Variants in KANK1 observed in about 807,000 individuals in gnomAD.
The protein encoded by KANK1 is KN motif and ankyrin repeat domain-containing protein 1.
Under a neutral mutation model 106.2 loss-of-function variants are expected in KANK1, and 109 were observed. The observed-to-expected ratio is 1.03, with a 90% confidence interval of 0.88 to 1.20. The LOEUF is 1.20. KANK1 is among the 50% of genes most tolerant of loss of function. KANK1 has a pLI of 0.00. For missense variants in KANK1, 2,399 were observed against 1,710.7 expected, an observed-to-expected ratio of 1.40 and a Z score of -7.10; for synonymous variants, 873 against 652.2, an observed-to-expected ratio of 1.34 and a Z score of -5.16.
chr9:514,532 T>C (rs776384053), intron 1 of KANK1, among the ~76,000 whole-genome samples: 54 of 151,092 alleles, frequency 3.6e-4, no homozygotes, highest in Admixed American at 2.0e-4. Context: ...TTAGTCAGTT[T>C]TTGAACTTTA....
At chr9:503,552 C>T (rs1015200111), upstream of KANK1, among the ~76,000 whole-genome samples, 1 of 152,306 alleles carries the variant, frequency 6.6e-6, no homozygotes, top group Non-Finnish European at 1.5e-5. Context: ...GATGGCTCTT[C>T]ACTTGCACAC....
rs1327479413 is a variant in KANK1 at position 711,108 on chromosome 9, A to C, written c.342A>C (p.Thr114=). ...PNFLIARSQV[T]STPISKPPPP... is the part of the protein sequence containing the mutation. The stretch of plus-strand genomic sequence containing the variant: ...TCCTCATAGCCAGAAGTCAAGTTAC[A>C]TCAACTCCAATCTCAAAGCCACCTC... Residue 114 remains threonine, a synonymous_variant, in exon 3 of 12, where the codon ACA becomes ACC. Transcript: ENST00000382297. 6.2e-7 allele frequency: 1 copy of C among 1,614,176 alleles called. No individual in the cohort carries two copies. Among genetic ancestry groups the C allele is most frequent in the Admixed American group, 1.7e-5 (1 of 60,020 alleles).
chr9:572,517 A>G (rs1432106875), intron 1 of KANK1, among the ~76,000 whole-genome samples: 2 of 151,716 alleles, frequency 1.3e-5, no homozygotes, highest in African/African-American at 2.4e-5. Context: ...GCTCCACTGC[A>G]CTCCAGCATG....
intron 1 of KANK1, among the ~76,000 whole-genome samples, chr9:628,722 A>G (rs1226306302): frequency 6.6e-6 from 1 of 152,092 alleles, no homozygotes. Flanking sequence ...CCCTTTCTGC[A>G]TGGCGGGTTT....
chr9:505,624 C>T (rs550142716), intron 1 of KANK1, among the ~76,000 whole-genome samples: 12 of 152,360 alleles, frequency 7.9e-5, no homozygotes, highest in South Asian at 2.1e-4. Flanking sequence ...TCAGCACGAG[C>T]CGTGCTGCAC....
chr9:742,364 C>T lies in KANK1; in HGVS notation c.3856C>T (p.Leu1286=), dbSNP rs772081491. 1.2e-6 allele frequency: 2 copies of T among 1,614,104 alleles called. No homozygotes were observed. Among genetic ancestry groups the T allele is most frequent in the Non-Finnish European group, 1.7e-6 (2 of 1,180,010 alleles). ...EHGHVEIVKL[L]LAQPGCNGHL... Reference sequence around the variant, plus strand: ...CGGACACGTGGAGATTGTCAAGCTGCTGCTGGCCCAGCCCGGCTGCAACGG... The same window carrying T: ...CGGACACGTGGAGATTGTCAAGCTGTTGCTGGCCCAGCCCGGCTGCAACGG... The change falls in exon 10 of 12, where the codon CTG becomes TTG. Residue 1286 remains leucine (L), a synonymous_variant. Coordinates refer to ENST00000382297, the MANE Select transcript of KANK1 (RefSeq NM_015158.5).
Position 593,612 on chromosome 9 carries a change from T to C in KANK1, c.-83-83278T>C, listed in dbSNP as rs1358848865. ...TTACCCATTGATGTTTTCACAGGGCTTTAAACACGAAGACCTGATTTGTTT... is the reference window on the plus strand; with the variant it reads ...TTACCCATTGATGTTTTCACAGGGCCTTAAACACGAAGACCTGATTTGTTT... On this transcript the variant is annotated intron_variant, in intron 1 of 11. Coordinates refer to ENST00000382297, the MANE Select transcript of KANK1 (RefSeq NM_015158.5). 2.0e-5 allele frequency among the ~76,000 whole-genome samples: 3 copies of C among 151,870 alleles called. No homozygotes were observed. The East Asian group carries it at 5.8e-4, about 29-fold the overall frequency.
chr9:564,727 A>G (rs1246501675), intron 1 of KANK1, among the ~76,000 whole-genome samples: 3 of 152,224 alleles, frequency 2.0e-5, no homozygotes, highest in African/African-American at 7.2e-5. Flanking sequence ...ACACTCTTTC[A>G]GGAGATGCCC....
At position 730,198 on chromosome 9, in the gene KANK1, C is replaced by T. The variant is rs375193839; in HGVS notation, c.2846C>T (p.Thr949Met). Residue 949 changes from threonine (T) to methionine (M), a missense_variant, in exon 4 of 12, where the codon ACG becomes ATG. Transcript: ENST00000382297. ...GATGCCTTCCCCACTCAGGAAGGTA[C>T]GCTGTCTCCAGTGAACCTGACAGAC... ...SLDAFPTQEGTLSPVNLTDDQ... is the reference protein window; with the variant it reads ...SLDAFPTQEGMLSPVNLTDDQ... 1.1e-5 allele frequency: 17 copies of T among 1,614,204 alleles called. No homozygotes were observed. In the East Asian group the frequency reaches 2.0e-4, roughly 19 times the overall value.
At chr9:628,433 C>T (rs770714021) in intron 1 of KANK1, among the ~76,000 whole-genome samples, 5 of 152,180 alleles carry the variant, frequency 3.3e-5, no homozygotes, top group Non-Finnish European at 7.3e-5. Context: ...TTTATATTCA[C>T]AGATGTACGT....
chr9:637,853 A>T (rs1295325182), intron 1 of KANK1, among the ~76,000 whole-genome samples: 1 of 152,184 alleles, frequency 6.6e-6, no homozygotes, highest in Non-Finnish European at 1.5e-5. Flanking sequence ...AGCATAAGAA[A>T]AGCCAATATT....
intron 3 of KANK1, among the ~76,000 whole-genome samples, chr9:718,408 G>A (rs1170330115): frequency 6.8e-6 from 1 of 147,122 alleles, no homozygotes; most frequent in Non-Finnish European, 1.5e-5. Flanking sequence ...AACTTCCCGA[G>A]CTCTAACCAT....
intron 1 of KANK1, among the ~76,000 whole-genome samples, chr9:527,982 T>C (rs1346640930): frequency 2.0e-5 from 3 of 151,674 alleles, no homozygotes; most frequent in Non-Finnish European, 4.4e-5. Flanking sequence ...ATACAAAAAA[T>C]TAGCCAGGCG....
At chr9:507,579 A>G (rs1328570593) in intron 1 of KANK1, among the ~76,000 whole-genome samples, 3 of 122,710 alleles carry the variant, frequency 2.4e-5, no homozygotes, top group Admixed American at 8.7e-5. Context: ...TTTTTTTGAG[A>G]TGGAGTCTCG....
chr9:710,774 C>G (rs902903799), intron 2 of KANK1, 30 bp from the exon 3 acceptor site: 6 of 1,538,056 alleles, frequency 3.9e-6, no homozygotes, highest in Non-Finnish European at 5.2e-6. Flanking sequence ...TATTGCATGT[C>G]ATTATAATAT....
At chr9:667,422 T>C (rs1478737342) in intron 1 of KANK1, among the ~76,000 whole-genome samples, 3 of 152,080 alleles carry the variant, frequency 2.0e-5, no homozygotes, top group Non-Finnish European at 2.9e-5. Context: ...TTTGCTCTGA[T>C]CTTTATTATT....
At chr9:705,143 C>T (rs960853454) in intron 2 of KANK1, among the ~76,000 whole-genome samples, 11 of 151,892 alleles carry the variant, frequency 7.2e-5, no homozygotes, top group Non-Finnish European at 1.5e-4. Flanking sequence ...TAATATTTAA[C>T]GAACAACTTC....
intron 1 of KANK1, among the ~76,000 whole-genome samples, chr9:642,405 C>G (rs1350487825): frequency 6.6e-6 from 1 of 150,976 alleles, no homozygotes; most frequent in Non-Finnish European, 1.5e-5. Flanking sequence ...AGCAGCTTCT[C>G]TAAATTGACT....
At chr9:600,404 C>T (rs1349433341) in intron 1 of KANK1, among the ~76,000 whole-genome samples, 1 of 151,680 alleles carries the variant, frequency 6.6e-6, no homozygotes, top group African/African-American at 2.4e-5. Context: ...TCCATTGTAG[C>T]ATCACATTGA....
Sources: gnomAD v4.1 joint callset for allele counts (sites outside exome capture counted in the v4.1 genomes callset) on GRCh38, gnomAD v4.1.1 for gene constraint, MANE v1.5 for transcripts, NCBI Gene and HGNC (gene_info 2026-07-23, HGNC 2026-07-21) for gene names.